MDM1: variants seen among roughly 807,000 people sequenced by gnomAD.
MDM1 encodes stabilizer of axonemal microtubules 6.
A neutral mutation model predicts 89.1 loss-of-function variants in MDM1; 61 were observed. That is an observed-to-expected ratio of 0.68 (90% CI 0.56 to 0.85). The LOEUF is 0.85. Among genes scored for constraint, MDM1 ranks in the 40% least tolerant of loss-of-function variants. MDM1 has a pLI of 0.00. For missense variants in MDM1, 820 were observed against 846.5 expected (o/e 0.97, Z 0.39); for synonymous variants, 290 against 294.1 (o/e 0.99, Z 0.14).
At chr12:68,311,293 G>A (rs992548904) in intron 12 of MDM1, among the ~76,000 whole-genome samples, 1 of 151,890 alleles carries the variant, frequency 6.6e-6, no homozygotes, top group Non-Finnish European at 1.5e-5. Flanking sequence ...ACTTAAAATG[G>A]CCCCTTAACA....
At chr12:68,300,205 C>T (rs1871950570) in intron 13 of MDM1, among the ~76,000 whole-genome samples, 1 of 152,068 alleles carries the variant, frequency 6.6e-6, no homozygotes. Context: ...AATTTTGAAA[C>T]AAAAGCTTGA....
At position 68,326,529 on chromosome 12, in the gene MDM1, C is replaced by A. The variant is rs759202324; in HGVS notation, c.498+128G>T. On this transcript the variant is annotated intron_variant, in intron 3 of 14. Coordinates refer to ENST00000682720, the MANE Select transcript of MDM1 (RefSeq NM_001354969.2). ...AGTCAACAGCCTGTTATCAACTATT[C>A]TTATAGACATTAGACAAGAAAACAA... is the stretch of plus-strand genomic sequence containing the variant. The A allele has an allele frequency of 1.6e-5, 25 of 1,595,488 alleles. No individual in the cohort carries two copies. The Middle Eastern group carries it at 1.7e-3, about 108-fold the overall frequency.
At chr12:68,331,353 T>C in intron 1 of MDM1, 132 bp from the exon 2 acceptor site, 1 of 662,844 alleles carries the variant, frequency 1.5e-6, no homozygotes, top group South Asian at 1.7e-5. Context: ...GACGAGCTCC[T>C]TAATAAGAGC....
chr12:68,304,511 C>G lies in MDM1; in HGVS notation c.1750-1639G>C, dbSNP rs114841279. Among the ~76,000 whole-genome samples the G allele has an allele frequency of 1.6e-3, 241 of 152,298 alleles. 2 individuals are homozygous for G. The highest frequency in any genetic ancestry group is 5.6e-3 in the African/African-American group (233 of 41,574). ...CAAATCAATATGAAGGATAAAACCA[C>G]AAATCTTCCACTTGTTTTCCTTTTT... On this transcript the variant is annotated intron_variant, in intron 12 of 14. Transcript: ENST00000682720.
chr12:68,295,246 A>G lies in MDM1; in HGVS notation c.*8T>C, dbSNP rs1871215838. ...ATGTTTCCTTAGATAAAGGCAACTC[A>G]GCTAGGTTTATGTTTTACCCCAGAA... On this transcript the variant is annotated 3_prime_UTR_variant, in exon 15 of 15. Coordinates refer to ENST00000682720, the MANE Select transcript of MDM1 (RefSeq NM_001354969.2). 1 of 1,592,662 alleles carries G rather than the reference A, an allele frequency of 6.3e-7. No individual in the cohort carries two copies. Among genetic ancestry groups the G allele is most frequent in the African/African-American group, 1.3e-5 (1 of 74,278 alleles).
Position 68,313,553 on chromosome 12 carries a change from C to T in MDM1, c.1640-1G>A, listed in dbSNP as rs977261654. The T allele has an allele frequency of 8.1e-6, 13 of 1,612,694 alleles. No homozygotes were observed. The Admixed American group carries it at 1.0e-4, about 12-fold the overall frequency. On this transcript the variant is annotated splice_acceptor_variant, in intron 11 of 14. Coordinates refer to ENST00000682720, the MANE Select transcript of MDM1 (RefSeq NM_001354969.2). LOFTEE classifies it high-confidence loss of function. ...GATGGAGACACTAAAACAGCACCAC[C>T]TGGAAAAATAAAGATGACAGTTTCA...
intron 13 of MDM1, among the ~76,000 whole-genome samples, chr12:68,301,379 T>G (rs1872134691): frequency 6.6e-6 from 1 of 152,178 alleles, no homozygotes; most frequent in African/African-American, 2.4e-5. Context: ...AAATACTGCA[T>G]GTTCTCACTT....
chr12:68,314,482 T>C (rs1167128836), intron 10 of MDM1, among the ~76,000 whole-genome samples: 2 of 152,168 alleles, frequency 1.3e-5, no homozygotes, highest in Non-Finnish European at 2.9e-5. Flanking sequence ...AAAGGCACTA[T>C]TATCATAGGT....
Position 68,316,136 on chromosome 12 carries a change from A to T in MDM1, c.1153T>A (p.Ser385Thr). 1 of 1,614,114 alleles carries T rather than the reference A, an allele frequency of 6.2e-7. No individual in the cohort carries two copies. ...ACGGTTCCTTCTGAGCTTGTGGTTGAGGAGACATCCCAACAGCAGTTGCTA... is the reference window on the plus strand; with the variant it reads ...ACGGTTCCTTCTGAGCTTGTGGTTGTGGAGACATCCCAACAGCAGTTGCTA... ...SDSNCCWDVS[S>T]TTSSEGTVSS... Residue 385 changes from serine (S) to threonine (T), a missense_variant, in exon 9 of 15, where the codon TCA (serine) becomes ACA (threonine). Ser to Thr is a moderately conservative substitution (Grantham distance 58). Transcript: ENST00000682720.
At chr12:68,317,392 T>C (rs1043459218) in intron 7 of MDM1, among the ~76,000 whole-genome samples, 4 of 152,024 alleles carry the variant, frequency 2.6e-5, no homozygotes, top group South Asian at 2.1e-4. Flanking sequence ...TATTCTAGAA[T>C]TGCTTTTCTT....
chr12:68,309,256 C>T (rs1332718683), intron 12 of MDM1, among the ~76,000 whole-genome samples: 1 of 152,198 alleles, frequency 6.6e-6, no homozygotes, highest in Non-Finnish European at 1.5e-5. Context: ...TCCACAAGAT[C>T]TTGGCATATG....
rs1410680835 is a variant in MDM1, at chr12:68,294,999, C to T, written c.*255G>A. 2 of 224,558 alleles carry T rather than the reference C, an allele frequency of 8.9e-6. No homozygotes were observed. The highest frequency in any genetic ancestry group is 1.8e-5 in the Non-Finnish European group (2 of 113,780). 13.9% of individuals were successfully genotyped at this position (224,558 alleles called of 1,614,324 possible). On this transcript the variant is annotated 3_prime_UTR_variant, in exon 15 of 15. Transcript: ENST00000682720. ...GATAGGTGAAAATCTATCCATGACA[C>T]CTATTACGAAAGTTACATGTGAAGA...
At chr12:68,332,107 G>T in intron 1 of MDM1, 121 bp downstream of exon 1, 1 of 1,395,430 alleles carries the variant, frequency 7.2e-7, no homozygotes, top group Non-Finnish European at 9.9e-7. Flanking sequence ...AGGCCCTGGG[G>T]CTGGCAGCTT....
chr12:68,297,065 A>C, intron 13 of MDM1, 83 bp from the exon 14 acceptor site: 3 of 907,894 alleles, frequency 3.3e-6, no homozygotes, highest in Non-Finnish European at 4.7e-6. Flanking sequence ...CTGTTAGTAA[A>C]AGTAGGCTGT....
In MDM1 at chr12:68,295,220, A is replaced by T. The variant is rs770182663; in HGVS notation, c.*34T>A. On this transcript the variant is annotated 3_prime_UTR_variant, in exon 15 of 15. Coordinates refer to ENST00000682720, the MANE Select transcript of MDM1 (RefSeq NM_001354969.2). ...GTAAGCAATAAAGAAAAATTATGCCAATGTTTCCTTAGATAAAGGCAACTC... is the reference window on the plus strand; with the variant it reads ...GTAAGCAATAAAGAAAAATTATGCCTATGTTTCCTTAGATAAAGGCAACTC... 7.1e-7 allele frequency: 1 copy of T among 1,413,284 alleles called. No homozygotes were observed. Among genetic ancestry groups the T allele is most frequent in the Admixed American group, 2.0e-5 (1 of 48,910 alleles). The allele number at this position is 1,413,284 out of a possible 1,614,324, so 87.5% of individuals were successfully genotyped here.
At chr12:68,296,321 A>C (rs1871379096) in intron 14 of MDM1, among the ~76,000 whole-genome samples, 1 of 152,294 alleles carries the variant, frequency 6.6e-6, no homozygotes, top group South Asian at 2.1e-4. Flanking sequence ...AACATGGTGA[A>C]ACCCCATCTC....
In MDM1 at chr12:68,296,944, G is replaced by A. The variant is rs1433574054; in HGVS notation, c.2041C>T (p.His681Tyr). The A allele has an allele frequency of 1.9e-6, 3 of 1,589,014 alleles. No individual in the cohort carries two copies. The highest frequency in any genetic ancestry group is 2.3e-5 in the East Asian group (1 of 43,940). Residue 681 changes from histidine (H) to tyrosine (Y), a missense_variant, in exon 14 of 15, where the codon CAT (histidine) becomes TAT (tyrosine). Physicochemically the swap from His to Tyr is moderately conservative, Grantham distance 83 (BLOSUM62 2). Transcript: ENST00000682720. ...ATACCTTCATCATTAAAGGCTTCATGTTGAGGTAACTGCAAATTGTTCATC... is the reference window on the plus strand; with the variant it reads ...ATACCTTCATCATTAAAGGCTTCATATTGAGGTAACTGCAAATTGTTCATC... ...ARMNNLQLPQ[H>Y]EAFNDEDEDR... is the part of the protein sequence containing the mutation.
At chr12:68,315,595 T>A (rs1012010930) in intron 9 of MDM1, among the ~76,000 whole-genome samples, 2 of 152,342 alleles carry the variant, frequency 1.3e-5, no homozygotes, top group Non-Finnish European at 2.9e-5. Context: ...CCCCATGGTC[T>A]AAGTTCTTCA....
At chr12:68,297,156 C>A (rs976618089) in intron 13 of MDM1, among the ~76,000 whole-genome samples, 174 bp from the exon 14 acceptor site, 1 of 152,032 alleles carries the variant, frequency 6.6e-6, no homozygotes, top group African/African-American at 2.4e-5. Flanking sequence ...AATTTTATAT[C>A]TTAATAGAAA....
Sources: gnomAD v4.1 joint callset for allele counts (sites outside exome capture counted in the v4.1 genomes callset) on GRCh38, gnomAD v4.1.1 for gene constraint, MANE v1.5 for transcripts, NCBI Gene and HGNC (gene_info 2026-07-23, HGNC 2026-07-21) for gene names.